Variants in SPPL3 observed in about 807,000 individuals in gnomAD.
The protein encoded by SPPL3 is signal peptide peptidase-like 3.
SPPL3 carries 5 observed loss-of-function variants against 42.4 expected under a neutral mutation model. The observed-to-expected ratio is 0.12, with a 90% CI of 0.06 to 0.25. SPPL3 has a LOEUF of 0.25. Ranked by LOEUF, SPPL3 falls within the 10% of genes least tolerant of loss-of-function variation. SPPL3 has a pLI of 1.00. For synonymous variants in SPPL3, 195 were observed against 181.8 expected (o/e 1.07, Z -0.58); for missense variants, 235 against 489.0 (o/e 0.48, Z 4.90).
intron 1 of SPPL3, among the ~76,000 whole-genome samples, chr12:120,859,641 C>T (rs1320146109): frequency 6.6e-6 from 1 of 152,176 alleles, no homozygotes; most frequent in Non-Finnish European, 1.5e-5. Context: ...CTAAACACAA[C>T]AGAAAACATA....
chr12:120,770,071 AG>A (rs1447140930), intron 6 of SPPL3: 2 of 150,824 alleles, frequency 1.3e-5, no homozygotes, highest in Non-Finnish European at 3.0e-5. Context: ...TTTTTGAGAC[AG>A]GGTCTTGCCC....
intron 1 of SPPL3, among the ~76,000 whole-genome samples, chr12:120,878,449 A>G (rs656933): frequency 0.29 from 43,970 of 152,162 alleles, 7,715 homozygotes; most frequent in Non-Finnish European, 0.4. Context: ...TGCCTAATCA[A>G]GGGATTGGGT....
At chr12:120,838,350 TCCTAGGAGAAC>T (rs570578031) in intron 1 of SPPL3, among the ~76,000 whole-genome samples, 114 of 152,236 alleles carry the variant, frequency 7.5e-4, no homozygotes, top group African/African-American at 2.7e-3. Flanking sequence ...TTCCTTCCTC[TCCTAGGAGAAC>T]CCTGATTTGG....
At chr12:120,862,105 G>A (rs1427505065) in intron 1 of SPPL3, among the ~76,000 whole-genome samples, 1 of 152,078 alleles carries the variant, frequency 6.6e-6, no homozygotes, top group Non-Finnish European at 1.5e-5. Flanking sequence ...GGACCCCAAA[G>A]GGCATTTGTT....
intron 1 of SPPL3, among the ~76,000 whole-genome samples, chr12:120,902,625 A>G (rs73224306): frequency 0.034 from 5,142 of 152,278 alleles, 116 homozygotes; most frequent in Admixed American, 0.068. Flanking sequence ...TTGGTGGCAA[A>G]CCGGACCTCC....
chr12:120,868,715 C>T (rs1872835440), intron 1 of SPPL3, among the ~76,000 whole-genome samples: 1 of 152,102 alleles, frequency 6.6e-6, no homozygotes, highest in Admixed American at 6.6e-5. Flanking sequence ...CTCTTGACCT[C>T]GTCATCCACC....
chr12:120,904,284 G>GGGCGGA lies in SPPL3; in HGVS notation c.-423_-418dup, dbSNP rs1294185020. On this transcript the variant is annotated 5_prime_UTR_variant, in exon 1 of 11. Transcript: ENST00000353487. ...GCGGCGGCCGGGGGACATGGCCGGC[G>GGGCGGA]GGCGGAGGCGGCGGCGACTGAGGGG... 1.2e-5 allele frequency: 2 copies of GGGCGGA among 166,370 alleles called. No individual in the cohort carries two copies. The highest frequency in any genetic ancestry group is 4.9e-5 in the African/African-American group (2 of 40,998). 10.3% of individuals were successfully genotyped at this position (166,370 alleles called of 1,614,324 possible). A position where few individuals can be genotyped will look rare whatever the true frequency, so the allele number is the denominator to read the frequency against.
rs61465383 is a variant in SPPL3, at chr12:120,894,945, TCAAA to T, written c.23+8896_23+8899del. 1.5e-3 allele frequency among the ~76,000 whole-genome samples: 220 copies of T among 150,528 alleles called. 1 individual carries two copies. The highest frequency in any genetic ancestry group is 8.0e-3 in the South Asian group (38 of 4,738). On this transcript the variant is annotated intron_variant, in intron 1 of 10. Transcript: ENST00000353487. Reference sequence around the variant, plus strand: ...CCGGGCAACAGAGTGAGAGTCCGTCTCAAACAAACAAACAAACAAACAAACAAAC... The same window carrying T: ...CCGGGCAACAGAGTGAGAGTCCGTCTCAAACAAACAAACAAACAAACAAAC...
rs1042711126 is a variant in SPPL3, at chr12:120,904,060, C to G, written c.-193G>C. The G allele has an allele frequency of 1.1e-5, 4 of 357,106 alleles. No homozygotes were observed. Among genetic ancestry groups the G allele is most frequent in the African/African-American group, 2.2e-5 (1 of 46,340 alleles). 22.1% of individuals were successfully genotyped at this position (357,106 alleles called of 1,614,324 possible). On this transcript the variant is annotated 5_prime_UTR_variant, in exon 1 of 11. Coordinates refer to ENST00000353487, the MANE Select transcript of SPPL3 (RefSeq NM_139015.5). ...CCGGGCTCCGAAGCGGCCCCGCTCC[C>G]TGGGCCCCGGGGCGGGGCGGGCTCC...
chr12:120,853,762 A>C (rs1872340607), intron 1 of SPPL3, among the ~76,000 whole-genome samples: 1 of 152,158 alleles, frequency 6.6e-6, no homozygotes, highest in Non-Finnish European at 1.5e-5. Flanking sequence ...ATTTCTAAAA[A>C]GTTCCCAGGC....
At chr12:120,903,452 C>T (rs922174285) in intron 1 of SPPL3, 26 of 225,176 alleles carry the variant, frequency 1.2e-4, no homozygotes, top group East Asian at 1.2e-4. Flanking sequence ...TTGCCCTGGC[C>T]TGCCTCTCTC....
intron 1 of SPPL3, among the ~76,000 whole-genome samples, chr12:120,889,499 C>T (rs1337920896): frequency 1.1e-4 from 16 of 152,228 alleles, no homozygotes; most frequent in Admixed American, 1.0e-3. Context: ...TCTCACCTTG[C>T]CCTCTTGTGC....
chr12:120,861,413 A>T (rs1872615432), intron 1 of SPPL3, among the ~76,000 whole-genome samples: 1 of 152,270 alleles, frequency 6.6e-6, no homozygotes, highest in Admixed American at 6.5e-5. Context: ...GATCCTTGAA[A>T]AGGGTGTTGG....
chr12:120,828,719 C>T (rs55645249), intron 1 of SPPL3, among the ~76,000 whole-genome samples: 6,358 of 152,212 alleles, frequency 0.042, 184 homozygotes, highest in South Asian at 0.12. Flanking sequence ...AATTTATAAC[C>T]AATGAATTTC....
At chr12:120,879,861 T>C (rs1339089275) in intron 1 of SPPL3, among the ~76,000 whole-genome samples, 1 of 152,114 alleles carries the variant, frequency 6.6e-6, no homozygotes, top group East Asian at 1.9e-4. Context: ...AAAACTTACA[T>C]ATATATACAG....
intron 1 of SPPL3, among the ~76,000 whole-genome samples, chr12:120,861,616 C>G (rs1023629746): frequency 5.9e-5 from 9 of 152,126 alleles, no homozygotes; most frequent in African/African-American, 2.2e-4. Context: ...TGAAACGCAT[C>G]CTAGCAGCGG....
intron 1 of SPPL3, among the ~76,000 whole-genome samples, chr12:120,816,269 T>C (rs1369765574): frequency 6.6e-6 from 1 of 152,210 alleles, no homozygotes; most frequent in Non-Finnish European, 1.5e-5. Flanking sequence ...TTCAGATGTT[T>C]AATGGTTTCT....
chr12:120,856,503 CTTTTTTTTTTTTT>C (rs35137934), intron 1 of SPPL3, among the ~76,000 whole-genome samples: 2 of 89,202 alleles, frequency 2.2e-5, no homozygotes, highest in East Asian at 7.5e-4. Context: ...CAATTTTCAT[CTTTTTTTTTTTTT>C]TTTTTTTTTT....
At chr12:120,828,070 G>C (rs1178339099) in intron 1 of SPPL3, among the ~76,000 whole-genome samples, 1 of 152,224 alleles carries the variant, frequency 6.6e-6, no homozygotes, top group African/African-American at 2.4e-5. Flanking sequence ...TTACAGGCAT[G>C]AGCCACCACG....
Sources: allele counts gnomAD v4.1 joint callset (sites outside exome capture counted in the v4.1 genomes callset), GRCh38; gene constraint gnomAD v4.1.1; transcripts MANE v1.5; gene names NCBI Gene and HGNC (gene_info 2026-07-23, HGNC 2026-07-21).